The following TOPORS variants were observed in gnomAD, a reference collection of about 807,000 sequenced individuals.
TOPORS encodes TOP1 binding arginine/serine rich protein, E3 ubiquitin ligase, also known as E3 ubiquitin-protein ligase Topors.
In TOPORS, 25 loss-of-function variants were observed where a neutral mutation model predicts 81.4. The observed-to-expected ratio is 0.31, with a 90% CI of 0.22 to 0.43. The LOEUF (loss-of-function observed/expected upper bound fraction) is 0.43. Among genes scored for constraint, TOPORS ranks in the 20% least tolerant of loss-of-function variants. The probability of loss-of-function intolerance (pLI) is 1.00; values close to 1 mark genes in which losing one functional copy is unlikely to be tolerated. For synonymous variants in TOPORS, 473 were observed against 456.6 expected, an observed-to-expected ratio of 1.04 and a Z score of -0.46; for missense variants, 1,101 against 1,267.0, an observed-to-expected ratio of 0.87 and a Z score of 1.99.
At chr9:32,549,863 A>T (rs927491392) in intron 2 of TOPORS, among the ~76,000 whole-genome samples, 3 of 152,194 alleles carry the variant, frequency 2.0e-5, no homozygotes, top group African/African-American at 7.2e-5. Flanking sequence ...ATCAACTCCA[A>T]AAGAAGATAC....
At chr9:32,549,230 C>G (rs1821184630) in intron 2 of TOPORS, among the ~76,000 whole-genome samples, 1 of 152,164 alleles carries the variant, frequency 6.6e-6, no homozygotes, top group African/African-American at 2.4e-5. Context: ...TGGCGTGAAC[C>G]TGGCAGGCGG....
chr9:32,547,506 T>A (rs968371150), intron 2 of TOPORS, among the ~76,000 whole-genome samples: 1 of 152,232 alleles, frequency 6.6e-6, no homozygotes, highest in African/African-American at 2.4e-5. Flanking sequence ...ACTATGGAAT[T>A]TTATTTGGCA....
At chr9:32,551,739 C>A in intron 1 of TOPORS, 1 of 430,038 alleles carries the variant, frequency 2.3e-6, no homozygotes, top group Non-Finnish European at 4.8e-6. Context: ...TAGTATCTCA[C>A]GCGCGGCAGT....
Position 32,541,681 on chromosome 9 carries a change from T to A in TOPORS, c.2844A>T (p.Glu948Asp). Reference sequence around the variant, plus strand: ...CTTCTATTGTAACTACATCTTTAGTTTCAAATGGTTCCAAGGAAGGAGCCA... The same window carrying A: ...CTTCTATTGTAACTACATCTTTAGTATCAAATGGTTCCAAGGAAGGAGCCA... ...EFLAPSLEPFETKDVVTIEAE... is the reference protein window; with the variant it reads ...EFLAPSLEPFDTKDVVTIEAE... Residue 948 changes from glutamate (E) to aspartate (D), a missense_variant, in exon 3 of 3, where the codon GAA (glutamate) becomes GAT (aspartate). Glu to Asp is a conservative substitution (Grantham distance 45, BLOSUM62 2). Transcript: ENST00000360538. 1 of 1,614,214 alleles carries A rather than the reference T, an allele frequency of 6.2e-7. No homozygotes were observed. The highest frequency in any genetic ancestry group is 8.5e-7 in the Non-Finnish European group (1 of 1,180,032).
rs755115520 is a variant in TOPORS at position 32,540,651 on chromosome 9, A to T, written c.*736T>A. On this transcript the variant is annotated 3_prime_UTR_variant, in exon 3 of 3. Coordinates refer to ENST00000360538, the MANE Select transcript of TOPORS (RefSeq NM_005802.5). ...AATCAAAGAAAATAATTAAAACTATAAAGTATTTGTTCACCTGAAGTTCAG... is the reference window on the plus strand; with the variant it reads ...AATCAAAGAAAATAATTAAAACTATTAAGTATTTGTTCACCTGAAGTTCAG... 2 of 148,460 alleles carry T rather than the reference A, an allele frequency of 1.3e-5. No homozygotes were observed. The highest frequency in any genetic ancestry group is 6.6e-5 in the Admixed American group (1 of 15,050). The allele number at this position is 148,460 out of a possible 1,614,324, so 9.2% of individuals were successfully genotyped here.
chr9:32,552,575 C>T lies in TOPORS; in HGVS notation c.-139G>A. Reference sequence around the variant, plus strand: ...TTCAGCACCCAGAAACTCCAAAATCCATTCCTGAATTAAGCATTTCACTCC... The same window carrying T: ...TTCAGCACCCAGAAACTCCAAAATCTATTCCTGAATTAAGCATTTCACTCC... On this transcript the variant is annotated 5_prime_UTR_variant, in exon 1 of 3. An upstream start codon of the reference 5' UTR is lost. Coordinates refer to ENST00000360538, the MANE Select transcript of TOPORS (RefSeq NM_005802.5). 5 of 1,107,420 alleles carry T rather than the reference C, an allele frequency of 4.5e-6. No homozygotes were observed. Among genetic ancestry groups the T allele is most frequent in the Non-Finnish European group, 5.4e-6 (4 of 743,866 alleles). 68.6% of individuals were successfully genotyped at this position (1,107,420 alleles called of 1,614,324 possible).
chr9:32,550,747 C>G, intron 2 of TOPORS, 27 bp downstream of exon 2: 1 of 1,612,092 alleles, frequency 6.2e-7, no homozygotes, highest in Non-Finnish European at 8.5e-7. Flanking sequence ...CCGACCCCCG[C>G]GTCCCATTGT....
Position 32,543,934 on chromosome 9 carries a change from A to G in TOPORS, c.591T>C (p.Gly197=), listed in dbSNP as rs546261326. The change falls in exon 3 of 3, where the codon GGT becomes GGC. Residue 197 remains glycine, a synonymous_variant. Coordinates refer to ENST00000360538, the MANE Select transcript of TOPORS (RefSeq NM_005802.5). This position sits in a 1 kb window ranked among gnomAD's most constrained non-coding sequence, Gnocchi z 5.6. ...GAGTTGTTGTTCTTCTGTTCACAGG[A>G]CCACTAGGTGAATACACAGAAGCAT... ...ERNASVYSPS[G]PVNRRTTTPP... The G allele has an allele frequency of 1.2e-6, 2 of 1,614,094 alleles. No individual in the cohort carries two copies. The highest frequency in any genetic ancestry group is 2.2e-5 in the East Asian group (1 of 44,890).
Position 32,541,155 on chromosome 9 carries a change from T to C in TOPORS, c.*232A>G, listed in dbSNP as rs1396618150. On this transcript the variant is annotated 3_prime_UTR_variant, in exon 3 of 3. Transcript: ENST00000360538. ...AAAGGACCCCAAGTTTTAAATAAGC[T>C]GCTAGCAGTATCATTTTCTTCACTT... 13 of 408,076 alleles carry C rather than the reference T, an allele frequency of 3.2e-5. 1 individual carries two copies. In the Admixed American group the frequency reaches 5.0e-4, roughly 16 times the overall value. The allele number at this position is 408,076 out of a possible 1,614,324, so 25.3% of individuals were successfully genotyped here.
At chr9:32,551,863 A>G in intron 1 of TOPORS, 1 of 422,414 alleles carries the variant, frequency 2.4e-6, no homozygotes, top group Non-Finnish European at 4.9e-6. Flanking sequence ...TACGTTTCTG[A>G]AGAATGGCTC....
At chr9:32,550,655 C>T (rs931360185) in intron 2 of TOPORS, 119 bp downstream of exon 2, 3 of 1,180,832 alleles carry the variant, frequency 2.5e-6, no homozygotes, top group Non-Finnish European at 3.6e-6. Flanking sequence ...CGCCGAGGCC[C>T]GGACAGCCCC....
intron 1 of TOPORS, chr9:32,551,583 T>C (rs925195490): frequency 2.0e-5 from 5 of 253,226 alleles, no homozygotes; most frequent in Non-Finnish European, 4.2e-5. Context: ...TAAAACTCTT[T>C]TAAGATAACT....
At position 32,552,570 on chromosome 9, in the gene TOPORS, A is replaced by C; in HGVS notation, c.-134T>G. The stretch of plus-strand genomic sequence containing the variant: ...ATTTCTTCAGCACCCAGAAACTCCA[A>C]AATCCATTCCTGAATTAAGCATTTC... On this transcript the variant is annotated 5_prime_UTR_variant, in exon 1 of 3. Coordinates refer to ENST00000360538, the MANE Select transcript of TOPORS (RefSeq NM_005802.5). 3.5e-6 allele frequency: 4 copies of C among 1,150,942 alleles called. No individual in the cohort carries two copies. The highest frequency in any genetic ancestry group is 5.1e-6 in the Non-Finnish European group (4 of 783,182). 71.3% of individuals were successfully genotyped at this position (1,150,942 alleles called of 1,614,324 possible).
intron 2 of TOPORS, among the ~76,000 whole-genome samples, chr9:32,548,310 G>A (rs1821169149): frequency 6.6e-6 from 1 of 151,056 alleles, no homozygotes; most frequent in African/African-American, 2.4e-5. Context: ...GATCACCTGA[G>A]GTCGGGAGTT....
At chr9:32,545,577 G>A (rs1190567608) in intron 2 of TOPORS, among the ~76,000 whole-genome samples, 2 of 151,704 alleles carry the variant, frequency 1.3e-5, no homozygotes, top group Admixed American at 6.6e-5. Flanking sequence ...CCTGGCCAAC[G>A]TTGTGAAACC....
chr9:32,547,187 G>A (rs10971021), intron 2 of TOPORS, among the ~76,000 whole-genome samples: 54,677 of 152,152 alleles, frequency 0.36, 11,086 homozygotes, highest in South Asian at 0.47. Flanking sequence ...GCAACAAAGC[G>A]AGATCCAGTC....
At chr9:32,551,040 C>T in intron 1 of TOPORS, 72 bp from the exon 2 acceptor site, 3 of 1,543,020 alleles carry the variant, frequency 1.9e-6, no homozygotes, top group Non-Finnish European at 2.6e-6. Context: ...CCCCCCAGCT[C>T]CCGCGCATCA....
At chr9:32,548,811 C>T (rs918389464) in intron 2 of TOPORS, among the ~76,000 whole-genome samples, 33 of 152,104 alleles carry the variant, frequency 2.2e-4, no homozygotes, top group Admixed American at 5.2e-4. Flanking sequence ...CCGAAAAATC[C>T]TCAAATCTGG....
At position 32,542,510 on chromosome 9, in the gene TOPORS, G is replaced by C; in HGVS notation, c.2015C>G (p.Ser672Cys). The change falls in exon 3 of 3, where the codon TCT becomes TGT. Residue 672 changes from serine (S) to cysteine (C), a missense_variant. By Grantham distance (112) the Ser-to-Cys change is moderately radical. Coordinates refer to ENST00000360538, the MANE Select transcript of TOPORS (RefSeq NM_005802.5). ...LSSESTSRSR[S>C]RSSDHGKRRS... ...TCTTTTACCATGATCACTGCTACGA[G>C]ACCTTGATCTGCTTGTGCTTTCACT... is the stretch of plus-strand genomic sequence containing the variant. The C allele has an allele frequency of 6.2e-7, 1 of 1,613,938 alleles. No individual in the cohort carries two copies. Among genetic ancestry groups the C allele is most frequent in the Middle Eastern group, 1.6e-4 (1 of 6,062 alleles).
Sources: gnomAD v4.1 joint callset for allele counts (sites outside exome capture counted in the v4.1 genomes callset) on GRCh38, gnomAD v4.1.1 for gene constraint, Gnocchi (gnomAD v3.1) non-coding constraint, MANE v1.5 for transcripts, NCBI Gene and HGNC (gene_info 2026-07-23, HGNC 2026-07-21) for gene names.